Variants in IL1RL1 observed in about 807,000 individuals in gnomAD.
The protein encoded by IL1RL1 is interleukin 1 receptor like 1.
IL1RL1 carries 32 observed loss-of-function variants against 50.9 expected under a neutral mutation model. That is an observed-to-expected ratio of 0.63 (90% CI 0.47 to 0.84). IL1RL1 has a LOEUF of 0.84. IL1RL1 is among the 40% of genes least tolerant of loss of function. The pLI, the probability that IL1RL1 is intolerant of heterozygous loss-of-function variation, is 0.00. For missense variants in IL1RL1, 773 were observed against 662.9 expected (o/e 1.17, Z -1.82); for synonymous variants, 275 against 236.0 (o/e 1.17, Z -1.51).
chr2:102,313,800 T>C (rs28488182), intron 1 of IL1RL1, among the ~76,000 whole-genome samples: 2 of 152,292 alleles, frequency 1.3e-5, no homozygotes, highest in African/African-American at 4.8e-5. Context: ...ATGCCAACAT[T>C]GTGGGAGCAT....
intron 1 of IL1RL1, among the ~76,000 whole-genome samples, chr2:102,317,749 T>C: frequency 6.6e-6 from 1 of 151,994 alleles, no homozygotes; most frequent in East Asian, 1.9e-4. Context: ...GTGTTGCAAG[T>C]TATAAATGCC....
chr2:102,341,822 A>G (rs950100593), intron 5 of IL1RL1, among the ~76,000 whole-genome samples: 3 of 152,136 alleles, frequency 2.0e-5, no homozygotes, highest in Non-Finnish European at 2.9e-5. Flanking sequence ...GAGAACTGCG[A>G]GCAAATCTGT....
chr2:102,343,290 G>A lies in IL1RL1; in HGVS notation c.845G>A (p.Cys282Tyr), dbSNP rs539437762. The A allele has an allele frequency of 1.8e-5, 29 of 1,614,232 alleles. No individual in the cohort carries two copies. The highest frequency in any genetic ancestry group is 1.9e-5 in the Non-Finnish European group (23 of 1,180,036). ...CTTAGTTTCAGCAATGGGCTGGCTT[G>A]TCTAGACATGGTTTTAAGAATAGCT... ...QNQSFSNGLA[C>Y]LDMVLRIADV... Residue 282 changes from cysteine (C) to tyrosine (Y), a missense_variant, in exon 8 of 11, where the codon TGT becomes TAT. Coordinates refer to ENST00000233954, the MANE Select transcript of IL1RL1 (RefSeq NM_016232.5).
At chr2:102,347,694 C>T (rs1415224229) in intron 8 of IL1RL1, among the ~76,000 whole-genome samples, 2 of 152,158 alleles carry the variant, frequency 1.3e-5, no homozygotes, top group African/African-American at 2.4e-5. Context: ...GCTTTTGCCT[C>T]CCATCTTAGT....
At chr2:102,348,190 C>A (rs1677834717) in intron 9 of IL1RL1, 99 bp downstream of exon 9, 1 of 950,764 alleles carries the variant, frequency 1.1e-6, no homozygotes, top group Non-Finnish European at 1.6e-6. Flanking sequence ...CTGCTAAGCC[C>A]AGATTCCATT....
In IL1RL1 at chr2:102,340,812, G is replaced by A. The variant is rs1359432162; in HGVS notation, c.594G>A (p.Arg198=). The change falls in exon 5 of 11, where the codon AGG becomes AGA. Residue 198 remains arginine, a synonymous_variant. Coordinates refer to ENST00000233954, the MANE Select transcript of IL1RL1 (RefSeq NM_016232.5). ...NGANYSVTAT[R]SFTVKDEQGF... ...CCAATTATAGTGTGACGGCGACCAG[G>A]TCCTTCACGGTCAAGGGTAAGCTAC... 6.4e-7 allele frequency: 1 copy of A among 1,573,690 alleles called. No homozygotes were observed. Among genetic ancestry groups the A allele is most frequent in the Non-Finnish European group, 8.6e-7 (1 of 1,167,972 alleles).
chr2:102,336,848 C>T (rs1036747298), intron 1 of IL1RL1, among the ~76,000 whole-genome samples: 2 of 152,160 alleles, frequency 1.3e-5, no homozygotes, highest in Non-Finnish European at 2.9e-5. Context: ...TCTCCCCCAC[C>T]TTTGCTTTTG....
intron 1 of IL1RL1, among the ~76,000 whole-genome samples, chr2:102,316,080 C>T (rs2104959008): frequency 6.6e-6 from 1 of 152,308 alleles, no homozygotes; most frequent in East Asian, 1.9e-4. Context: ...CTAATTCACT[C>T]ACCTCTGATT....
Position 102,347,951 on chromosome 2 carries a change from A to T in IL1RL1, c.977A>T (p.His326Leu), listed in dbSNP as rs180959006. The T allele has an allele frequency of 6.7e-7, 1 of 1,497,570 alleles. No homozygotes were observed. The highest frequency in any genetic ancestry group is 1.1e-5 in the South Asian group (1 of 87,756). 92.8% of individuals were successfully genotyped at this position (1,497,570 alleles called of 1,614,324 possible). A position where few individuals can be genotyped will look rare whatever the true frequency, so the allele number is the denominator to read the frequency against. Residue 326 changes from histidine to leucine, a missense_variant, in exon 9 of 11, where the codon CAT (histidine) becomes CTT (leucine). Coordinates refer to ENST00000233954, the MANE Select transcript of IL1RL1 (RefSeq NM_016232.5). The part of the protein sequence containing the change: ...VRLSRKNPID[H>L]HSIYCIIAVC... ...TTTTCTTTCTTTTGAATAGTTGATC[A>T]TCATAGCATCTACTGCATAATTGCA...
intron 1 of IL1RL1, among the ~76,000 whole-genome samples, chr2:102,318,243 G>T (rs1048783377): frequency 1.3e-5 from 2 of 152,162 alleles, no homozygotes; most frequent in East Asian, 3.9e-4. Context: ...GTGGTGGCTT[G>T]GATCAGCAAA....
intron 1 of IL1RL1, among the ~76,000 whole-genome samples, chr2:102,331,098 G>A (rs1026669180): frequency 1.7e-4 from 26 of 152,234 alleles, no homozygotes; most frequent in African/African-American, 6.3e-4. Context: ...TGATCAACAT[G>A]TCTGTCTTTA....
intron 1 of IL1RL1, among the ~76,000 whole-genome samples, chr2:102,316,599 A>G (rs1239740715): frequency 6.6e-6 from 1 of 152,206 alleles, no homozygotes; most frequent in Non-Finnish European, 1.5e-5. Flanking sequence ...AAAGCAATCA[A>G]ACCATCCAAT....
chr2:102,343,559 G>T, intron 8 of IL1RL1, 144 bp downstream of exon 8: 1 of 1,549,508 alleles, frequency 6.5e-7, no homozygotes, highest in East Asian at 2.3e-5. Flanking sequence ...GATGTTGTTT[G>T]CTGTCTGATC....
At chr2:102,317,241 C>T (rs1813298) in intron 1 of IL1RL1, among the ~76,000 whole-genome samples, 5 of 151,874 alleles carry the variant, frequency 3.3e-5, no homozygotes, top group African/African-American at 1.2e-4. Context: ...GTAGTCCCAG[C>T]TACTCGGGAG....
At position 102,340,717 on chromosome 2, in the gene IL1RL1, G is replaced by A. The variant is rs931793900; in HGVS notation, c.499G>A (p.Val167Ile). The change falls in exon 5 of 11, where the codon GTC becomes ATC. Residue 167 changes from valine to isoleucine, a missense_variant. Val to Ile is a conservative substitution (Grantham distance 29, BLOSUM62 3). Coordinates refer to ENST00000233954, the MANE Select transcript of IL1RL1 (RefSeq NM_016232.5). The part of the protein sequence containing the change: ...SRYRAHKSFL[V>I]IDNVMTEDAG... ...GTACAGGGCGCACAAGTCATTTTTG[G>A]TCATTGATAATGTGATGACTGAGGA... The A allele has an allele frequency of 3.1e-6, 5 of 1,599,910 alleles. No individual in the cohort carries two copies. The highest frequency in any genetic ancestry group is 4.3e-6 in the Non-Finnish European group (5 of 1,176,086).
chr2:102,344,387 C>T, intron 8 of IL1RL1: 1 of 965,774 alleles, frequency 1.0e-6, no homozygotes, highest in Non-Finnish European at 1.2e-6. Flanking sequence ...ATTTAAGGTA[C>T]ATGGAACACA....
chr2:102,339,309 A>T (rs1677453383), intron 3 of IL1RL1: 2 of 391,492 alleles, frequency 5.1e-6, no homozygotes, highest in Non-Finnish European at 9.3e-6. Flanking sequence ...TTTCCTAGTG[A>T]CCAAGATAAC....
Position 102,311,923 on chromosome 2 carries a change from TA to T in IL1RL1, c.-150+302del, listed in dbSNP as rs1289841925. Among the ~76,000 whole-genome samples, 7 of 55,962 alleles carry T rather than the reference TA, an allele frequency of 1.3e-4. 1 individual carries two copies. In the South Asian group the frequency reaches 1.5e-3, roughly 12 times the overall value. The allele number at this position is 55,962 out of a possible 152,430, so 36.7% of individuals were successfully genotyped here. On this transcript the variant is annotated intron_variant, in intron 1 of 10. Transcript: ENST00000233954. ...CATATATGTTATATATTTTATTATA[TA>T]ATATATATTATATATAATATTATAT...
chr2:102,327,724 C>T (rs1437721230), intron 1 of IL1RL1, among the ~76,000 whole-genome samples: 3 of 152,190 alleles, frequency 2.0e-5, no homozygotes, highest in African/African-American at 7.2e-5. Flanking sequence ...ATACTATAAA[C>T]ACCTCTATGC....
Sources: gnomAD v4.1 joint callset for allele counts (sites outside exome capture counted in the v4.1 genomes callset) on GRCh38, gnomAD v4.1.1 for gene constraint, MANE v1.5 for transcripts, NCBI Gene and HGNC (gene_info 2026-07-23, HGNC 2026-07-21) for gene names.